TENM3: variants seen among roughly 807,000 people sequenced by gnomAD.
The protein encoded by TENM3 is teneurin transmembrane protein 3, also known as teneurin-3.
TENM3 carries 63 observed loss-of-function variants against 255.1 expected under a neutral mutation model. That is an observed-to-expected ratio of 0.25 (90% CI 0.20 to 0.30). The LOEUF (loss-of-function observed/expected upper bound fraction) is 0.30, where lower values mean the gene tolerates loss of function less well. Ranked by LOEUF, TENM3 falls within the 10% of genes least tolerant of loss-of-function variation. The pLI is 1.00. For synonymous variants in TENM3, 1,306 were observed against 1,322.3 expected, an observed-to-expected ratio of 0.99 and a Z score of 0.27; for missense variants, 2,929 against 3,461.1, an observed-to-expected ratio of 0.85 and a Z score of 3.86.
chr4:182,734,066 A>G (rs373732224), intron 16 of TENM3, among the ~76,000 whole-genome samples: 12 of 152,324 alleles, frequency 7.9e-5, no homozygotes, highest in African/African-American at 2.6e-4. Context: ...GATAAAAAGA[A>G]GAAGACGTGC....
chr4:182,690,528 C>T (rs556720992), intron 12 of TENM3, among the ~76,000 whole-genome samples: 71 of 152,228 alleles, frequency 4.7e-4, no homozygotes, highest in African/African-American at 1.6e-3. Context: ...CACCCGATAC[C>T]CGATACATCA....
the TENM3 span, among the ~76,000 whole-genome samples, chr4:182,041,491 C>T: frequency 6.6e-6 from 1 of 152,148 alleles, no homozygotes; most frequent in Non-Finnish European, 1.5e-5. Context: ...AGCCTGCAAA[C>T]ATTGTTCCTA....
chr4:181,479,261 C>T, the TENM3 span, among the ~76,000 whole-genome samples: 2 of 152,094 alleles, frequency 1.3e-5, no homozygotes, highest in Non-Finnish European at 2.9e-5. Flanking sequence ...GTAGATAGTA[C>T]CCTCCTTGGT....
the TENM3 span, among the ~76,000 whole-genome samples, chr4:181,518,489 G>A: frequency 1.2e-4 from 18 of 152,218 alleles, no homozygotes; most frequent in Middle Eastern, 3.4e-3. Context: ...GTGCAGTGGC[G>A]TGATCTCGGC....
At chr4:181,629,023 T>A in the TENM3 span, among the ~76,000 whole-genome samples, 1 of 152,170 alleles carries the variant, frequency 6.6e-6, no homozygotes, top group Non-Finnish European at 1.5e-5. Flanking sequence ...AGCAGTGGTT[T>A]GTAGTTCTCC....
At chr4:182,158,935 A>G (rs1339609492) in intron 1 of TENM3, among the ~76,000 whole-genome samples, 1 of 152,266 alleles carries the variant, frequency 6.6e-6, no homozygotes, top group Non-Finnish European at 1.5e-5. Context: ...AAAAAGATCA[A>G]TAAAATTCCC....
intron 5 of TENM3, among the ~76,000 whole-genome samples, chr4:182,644,688 G>T (rs1752587732): frequency 1.3e-5 from 2 of 152,020 alleles, no homozygotes; most frequent in African/African-American, 4.8e-5. Flanking sequence ...CAATTAATAA[G>T]GTTTTTTCTT....
At chr4:182,375,708 A>T (rs2150887383) in intron 3 of TENM3, among the ~76,000 whole-genome samples, 1 of 151,850 alleles carries the variant, frequency 6.6e-6, no homozygotes, top group African/African-American at 2.4e-5. Flanking sequence ...CACCTGGCTA[A>T]TTTTTTTGTA....
rs939289476 is a variant in TENM3 at position 182,669,790 on chromosome 4, T to C, written c.1112-3215T>C. On this transcript the variant is annotated intron_variant, in intron 6 of 27. Coordinates refer to ENST00000511685, the MANE Select transcript of TENM3 (RefSeq NM_001080477.4). Reference sequence around the variant, plus strand: ...TGAGGATTATATACAACAGATGGTTTTGGAATTCTGCAGACCTTGATTTCA... The same window carrying C: ...TGAGGATTATATACAACAGATGGTTCTGGAATTCTGCAGACCTTGATTTCA... Among the ~76,000 whole-genome samples the C allele has an allele frequency of 2.6e-5, 4 of 152,308 alleles. No homozygotes were observed. In the South Asian group the frequency reaches 8.3e-4, roughly 32 times the overall value.
the TENM3 span, among the ~76,000 whole-genome samples, chr4:181,593,110 G>T: frequency 6.6e-6 from 1 of 152,140 alleles, no homozygotes; most frequent in Non-Finnish European, 1.5e-5. Context: ...TTCAAAGATT[G>T]TTTACACATT....
At chr4:181,917,924 G>C in the TENM3 span, among the ~76,000 whole-genome samples, 1 of 151,936 alleles carries the variant, frequency 6.6e-6, no homozygotes, top group Non-Finnish European at 1.5e-5. Flanking sequence ...AGCCTCCCAA[G>C]GTGCTGGGAT....
chr4:182,075,505 G>C, the TENM3 span, among the ~76,000 whole-genome samples: 1 of 151,952 alleles, frequency 6.6e-6, no homozygotes. Context: ...GCCGACAGTT[G>C]GTTTTTAATA....
At chr4:181,681,243 G>A in the TENM3 span, among the ~76,000 whole-genome samples, 2 of 151,736 alleles carry the variant, frequency 1.3e-5, no homozygotes, top group East Asian at 3.9e-4. Flanking sequence ...GGATTATGAA[G>A]TAGTCTAATT....
At chr4:182,503,211 T>C (rs7670943) in intron 3 of TENM3, among the ~76,000 whole-genome samples, 89,793 of 151,792 alleles carry the variant, frequency 0.59, 26,926 homozygotes, top group African/African-American at 0.68. Context: ...AGTGTATACA[T>C]GTGGCTGCTG....
the TENM3 span, among the ~76,000 whole-genome samples, chr4:181,870,422 C>T: frequency 6.6e-6 from 1 of 152,118 alleles, no homozygotes; most frequent in Non-Finnish European, 1.5e-5. Context: ...TACACTCTCA[C>T]TAGAAATGGA....
chr4:181,485,376 T>C, the TENM3 span, among the ~76,000 whole-genome samples: 1 of 152,140 alleles, frequency 6.6e-6, no homozygotes, highest in East Asian at 1.9e-4. Context: ...AACGTTTCTA[T>C]ATAAAACTAA....
chr4:182,634,963 A>G (rs1030998666), intron 5 of TENM3, among the ~76,000 whole-genome samples: 2 of 152,170 alleles, frequency 1.3e-5, no homozygotes, highest in East Asian at 3.9e-4. Context: ...CTACATGCAA[A>G]TCATAATAAA....
the TENM3 span, among the ~76,000 whole-genome samples, chr4:181,595,444 A>AAAAAAAAAAAAAC: frequency 1.5e-5 from 2 of 129,530 alleles, no homozygotes; most frequent in African/African-American, 5.7e-5. Context: ...AAAAAAAAAA[A>AAAAAAAAAAAAAC]AAAAAAAAAA....
the TENM3 span, among the ~76,000 whole-genome samples, chr4:181,907,635 T>A: frequency 1.3e-5 from 2 of 151,786 alleles, no homozygotes; most frequent in East Asian, 1.9e-4. Flanking sequence ...CGGAGATACA[T>A]CCTAAGGAAG....
Sources: allele counts gnomAD v4.1 joint callset (sites outside exome capture counted in the v4.1 genomes callset), GRCh38; gene constraint gnomAD v4.1.1; transcripts MANE v1.5; gene names NCBI Gene and HGNC (gene_info 2026-07-23, HGNC 2026-07-21).